The following KYAT1 variants were observed in gnomAD, a reference collection of about 807,000 sequenced individuals.
KYAT1 encodes the protein kynurenine--oxoglutarate transaminase 1.
A neutral mutation model predicts 52.4 loss-of-function variants in KYAT1; 47 were observed. The ratio of observed to expected loss-of-function variants is 0.90; its 90% CI spans 0.71 to 1.14. The LOEUF is 1.14. KYAT1 is among the 50% of genes most tolerant of loss of function. KYAT1 has a pLI of 0.00. For missense variants in KYAT1, 480 were observed against 557.9 expected, an observed-to-expected ratio of 0.86 and a Z score of 1.41; for synonymous variants, 212 against 209.6, an observed-to-expected ratio of 1.01 and a Z score of -0.10.
chr9:128,869,131 C>A (rs147843871), intron 1 of KYAT1, among the ~76,000 whole-genome samples: 1 of 148,886 alleles, frequency 6.7e-6, no homozygotes, highest in Non-Finnish European at 1.5e-5. Context: ...GGAGCCACTG[C>A]GCCTGGCCTT....
Position 128,859,310 on chromosome 9 carries a change from G to A in KYAT1, c.-6-13899C>T, listed in dbSNP as rs559209513. On this transcript the variant is annotated intron_variant, in intron 1 of 12. Coordinates refer to ENST00000302586, the MANE Select transcript of KYAT1 (RefSeq NM_004059.5). ...CAGGAGGCTGAACCTGCAGTGAGCT[G>A]AGATCGCGCCACTGCACTCCAGCCT... is the stretch of plus-strand genomic sequence containing the variant. Among the ~76,000 whole-genome samples the A allele has an allele frequency of 6.3e-3, 961 of 151,636 alleles. 7 individuals are homozygous for A. Among genetic ancestry groups the A allele is most frequent in the Admixed American group, 9.3e-3 (142 of 15,234 alleles).
rs377153942 is a variant in KYAT1, at chr9:128,846,039, G to A, written c.-6-628C>T. Among the ~76,000 whole-genome samples, 45 of 152,316 alleles carry A rather than the reference G, an allele frequency of 3.0e-4. No homozygotes were observed. The East Asian group carries it at 6.8e-3, about 23-fold the overall frequency. ...CTAACTCTGAGGGAGGCACTAATCCGCTCCTCGGAGGGTCCCGGGGTCCTG... is the reference window on the plus strand; with the variant it reads ...CTAACTCTGAGGGAGGCACTAATCCACTCCTCGGAGGGTCCCGGGGTCCTG... On this transcript the variant is annotated intron_variant, in intron 1 of 12. Coordinates refer to ENST00000302586, the MANE Select transcript of KYAT1 (RefSeq NM_004059.5).
At chr9:128,848,060 C>T (rs945289786) in intron 1 of KYAT1, among the ~76,000 whole-genome samples, 1 of 152,158 alleles carries the variant, frequency 6.6e-6, no homozygotes, top group Admixed American at 6.5e-5. Flanking sequence ...TGTCTCACAC[C>T]TGTAAACTCA....
At chr9:128,858,153 T>C (rs1834928310) in intron 1 of KYAT1, among the ~76,000 whole-genome samples, 1 of 152,034 alleles carries the variant, frequency 6.6e-6, no homozygotes. Flanking sequence ...TCCCAGCACT[T>C]TGGGAGGCTG....
At chr9:128,840,618 A>T in intron 3 of KYAT1, 2 of 402,516 alleles carry the variant, frequency 5.0e-6, no homozygotes, top group Non-Finnish European at 9.9e-6. Context: ...TACCCAAATG[A>T]TTTTTTTTTT....
intron 6 of KYAT1, 50 bp downstream of exon 6, chr9:128,837,635 G>C: frequency 6.2e-7 from 1 of 1,609,400 alleles, no homozygotes; most frequent in Admixed American, 1.7e-5. Flanking sequence ...AACAGTGCAG[G>C]AGACATGACC....
At chr9:128,834,212 C>T (rs996918110) in intron 11 of KYAT1, among the ~76,000 whole-genome samples, 4 of 152,050 alleles carry the variant, frequency 2.6e-5, no homozygotes, top group South Asian at 2.1e-4. Context: ...AGCCAGATTG[C>T]GCCACTTCAC....
chr9:128,837,033 C>T, intron 6 of KYAT1, 111 bp from the exon 7 acceptor site: 1 of 1,377,962 alleles, frequency 7.3e-7, no homozygotes, highest in South Asian at 1.4e-5. Context: ...GTGGCTCACG[C>T]CTGTAATCCT....
chr9:128,860,470 A>G (rs1443498825), intron 1 of KYAT1: 1 of 151,756 alleles, frequency 6.6e-6, no homozygotes, highest in African/African-American at 2.4e-5. Context: ...CTCTGTATCT[A>G]CCTTTCTGCC....
intron 3 of KYAT1, among the ~76,000 whole-genome samples, chr9:128,839,822 C>G (rs1031001301): frequency 6.6e-6 from 1 of 152,098 alleles, no homozygotes; most frequent in African/African-American, 2.4e-5. Flanking sequence ...GAGTATGAGG[C>G]GGGAGGGTTG....
At chr9:128,848,723 A>C (rs1389749476) in intron 1 of KYAT1, among the ~76,000 whole-genome samples, 2 of 151,584 alleles carry the variant, frequency 1.3e-5, no homozygotes, top group African/African-American at 4.9e-5. Context: ...AGGCTGAGGC[A>C]GAAGAATCAC....
chr9:128,857,225 T>G (rs146038788), intron 1 of KYAT1, among the ~76,000 whole-genome samples: 210 of 152,328 alleles, frequency 1.4e-3, no homozygotes, highest in African/African-American at 4.8e-3. Context: ...TTCTCCTTAT[T>G]ATCACCCTGC....
At chr9:128,847,914 C>T (rs555117249) in intron 1 of KYAT1, among the ~76,000 whole-genome samples, 7 of 152,314 alleles carry the variant, frequency 4.6e-5, no homozygotes, top group African/African-American at 1.4e-4. Context: ...GAAACACATA[C>T]ACCACCTGCA....
intron 1 of KYAT1, among the ~76,000 whole-genome samples, chr9:128,858,227 T>C (rs554394905): frequency 2.7e-5 from 4 of 150,214 alleles, no homozygotes; most frequent in South Asian, 4.2e-4. Context: ...CAAAACCCCA[T>C]CTCTACCAAA....
chr9:128,849,883 C>CTTTTT (rs537211110), intron 1 of KYAT1, among the ~76,000 whole-genome samples: 6 of 91,956 alleles, frequency 6.5e-5, no homozygotes, highest in South Asian at 3.7e-4. Flanking sequence ...TTATTTTCTT[C>CTTTTT]TTTTTTTTTT....
chr9:128,846,723 C>T, intron 1 of KYAT1: 3 of 1,535,246 alleles, frequency 2.0e-6, no homozygotes, highest in Non-Finnish European at 2.6e-6. Flanking sequence ...TCCTCCTGTC[C>T]TCAGAATCCC....
Position 128,838,086 on chromosome 9 carries a change from C to T in KYAT1, c.403G>A (p.Ala135Thr), listed in dbSNP as rs1425190614. ...GACACAAACACAGGACGACCCCCTGCCATCATTGTCATGGGCTCGTAGCAG... is the reference window on the plus strand; with the variant it reads ...GACACAAACACAGGACGACCCCCTGTCATCATTGTCATGGGCTCGTAGCAG... ...FDCYEPMTMM[A>T]GGRPVFVSLK... Residue 135 changes from alanine to threonine, a missense_variant, in exon 5 of 13, where the codon GCA (alanine) becomes ACA (threonine). Transcript: ENST00000302586. 6.2e-7 allele frequency: 1 copy of T among 1,614,056 alleles called. No individual in the cohort carries two copies. Among genetic ancestry groups the T allele is most frequent in the African/African-American group, 1.3e-5 (1 of 74,910 alleles).
chr9:128,865,340 TATA>T (rs1564491684), intron 1 of KYAT1, among the ~76,000 whole-genome samples: 8 of 2,218 alleles, frequency 3.6e-3, no homozygotes, highest in Non-Finnish European at 9.5e-3. Flanking sequence ...TATATATATA[TATA>T]TATATATATA....
chr9:128,842,188 G>T, intron 3 of KYAT1: 1 of 242,468 alleles, frequency 4.1e-6, no homozygotes, highest in African/African-American at 2.3e-5. Flanking sequence ...GTGAGACCTT[G>T]TCTCAAAAAA....
Sources: gnomAD v4.1 joint callset for allele counts (sites outside exome capture counted in the v4.1 genomes callset) on GRCh38, gnomAD v4.1.1 for gene constraint, MANE v1.5 for transcripts, NCBI Gene and HGNC (gene_info 2026-07-23, HGNC 2026-07-21) for gene names.